LYPD6B: variants seen among roughly 807,000 people sequenced by gnomAD.
LYPD6B encodes the protein ly6/PLAUR domain-containing protein 6B.
A neutral mutation model predicts 22.8 loss-of-function variants in LYPD6B; 17 were observed. The ratio of observed to expected loss-of-function variants is 0.75; its 90% CI spans 0.51 to 1.12. The LOEUF (loss-of-function observed/expected upper bound fraction) is 1.12, where lower values mean the gene tolerates loss of function less well. LYPD6B is among the 50% of genes most tolerant of loss of function. LYPD6B has a pLI of 0.00. For synonymous variants in LYPD6B, 106 were observed against 91.6 expected, an observed-to-expected ratio of 1.16 and a Z score of -0.90; for missense variants, 221 against 258.3, an observed-to-expected ratio of 0.86 and a Z score of 0.99.
chr2:149,159,700 A>G (rs1244087230), intron 2 of LYPD6B, among the ~76,000 whole-genome samples: 2 of 151,748 alleles, frequency 1.3e-5, no homozygotes, highest in Admixed American at 1.3e-4. Context: ...GGGCTTGGCA[A>G]GTATGAGATT....
At chr2:149,041,506 G>T (rs1683087333) in intron 1 of LYPD6B, among the ~76,000 whole-genome samples, 1 of 152,194 alleles carries the variant, frequency 6.6e-6, no homozygotes, top group South Asian at 2.1e-4. Flanking sequence ...TTTTGCCCAA[G>T]CTATTTTCCG....
intron 1 of LYPD6B, among the ~76,000 whole-genome samples, chr2:149,080,969 T>C (rs1319302560): frequency 1.3e-5 from 2 of 151,956 alleles, no homozygotes; most frequent in African/African-American, 2.4e-5. Flanking sequence ...AGTTAACTTA[T>C]ATGAAGTCAG....
chr2:149,041,839 A>G (rs1683101951), intron 1 of LYPD6B, among the ~76,000 whole-genome samples: 1 of 152,218 alleles, frequency 6.6e-6, no homozygotes, highest in Non-Finnish European at 1.5e-5. Context: ...CAATTCCTCA[A>G]CAAGCTTACA....
chr2:149,072,259 A>G (rs913312953), intron 1 of LYPD6B, among the ~76,000 whole-genome samples: 4 of 152,176 alleles, frequency 2.6e-5, no homozygotes, highest in Admixed American at 6.5e-5. Context: ...ACAAACACAT[A>G]AGTAAACATA....
At chr2:149,083,521 A>G (rs1437053488) in intron 1 of LYPD6B, among the ~76,000 whole-genome samples, 1 of 152,114 alleles carries the variant, frequency 6.6e-6, no homozygotes, top group African/African-American at 2.4e-5. Flanking sequence ...GAACTTTTTG[A>G]AGAGTCTAGC....
chr2:149,099,453 G>GTACCTAGGATCCTTGGTCCCCTC (rs386391470), intron 1 of LYPD6B, among the ~76,000 whole-genome samples: 3,663 of 151,372 alleles, frequency 0.024, 81 homozygotes, highest in Non-Finnish European at 0.034. Flanking sequence ...TGGTCCCCTC[G>GTACCTAGGATCCTTGGTCCCCTC]TACCTAGGAT....
At chr2:149,177,965 A>G (rs554933587) in intron 3 of LYPD6B, among the ~76,000 whole-genome samples, 2 of 150,698 alleles carry the variant, frequency 1.3e-5, no homozygotes, top group East Asian at 2.0e-4. Context: ...TTTTCACTGT[A>G]TTTTTTATAA....
At chr2:149,164,938 A>G (rs188347973) in intron 3 of LYPD6B, among the ~76,000 whole-genome samples, 1 of 152,344 alleles carries the variant, frequency 6.6e-6, no homozygotes, top group East Asian at 1.9e-4. Flanking sequence ...TTAAAACAAC[A>G]GCTGTTTAAT....
chr2:149,170,959 A>G (rs1690774958), intron 3 of LYPD6B, among the ~76,000 whole-genome samples: 1 of 152,180 alleles, frequency 6.6e-6, no homozygotes, highest in African/African-American at 2.4e-5. Flanking sequence ...TTGAATCCTG[A>G]GAACTAAGAA....
chr2:149,066,796 C>T (rs1213983987), intron 1 of LYPD6B, among the ~76,000 whole-genome samples: 1 of 151,976 alleles, frequency 6.6e-6, no homozygotes, highest in Non-Finnish European at 1.5e-5. Context: ...CTCTCATCCT[C>T]TATTTATTAT....
chr2:149,208,410 A>G lies in LYPD6B; in HGVS notation c.326A>G (p.Gln109Arg), dbSNP rs751694368. Residue 109 changes from glutamine (Q) to arginine (R), a missense_variant and splice_region_variant, in exon 5 of 7, where the codon CAA becomes CGA. Physicochemically the swap from Gln to Arg is conservative, Grantham distance 43. Coordinates refer to ENST00000409642, the MANE Select transcript of LYPD6B (RefSeq NM_177964.5). The part of the protein sequence containing the change: ...NRWAEDKWCP[Q>R]NTQYCLTVHH... The stretch of plus-strand genomic sequence containing the variant: ...TGGGCAGAAGACAAATGGTGTCCAC[A>G]AAGTAAGTGTGCTGAGTTTGGAAGA... 2.5e-6 allele frequency: 4 copies of G among 1,611,034 alleles called. No homozygotes were observed. Among genetic ancestry groups the G allele is most frequent in the Non-Finnish European group, 3.4e-6 (4 of 1,177,234 alleles).
Position 149,100,349 on chromosome 2 carries a change from G to A in LYPD6B, c.-66-30534G>A, listed in dbSNP as rs374886706. Reference sequence around the variant, plus strand: ...TTTCTCCTTCCTTCTTTCAAAATTAGTATTCAAAAGCAGCCCCTTTTGGAT... The same window carrying A: ...TTTCTCCTTCCTTCTTTCAAAATTAATATTCAAAAGCAGCCCCTTTTGGAT... On this transcript the variant is annotated intron_variant, in intron 1 of 6. Transcript: ENST00000409642. Among the ~76,000 whole-genome samples the A allele has an allele frequency of 4.1e-4, 53 of 130,702 alleles. No individual in the cohort carries two copies. The South Asian group carries it at 5.0e-3, about 12-fold the overall frequency. 85.7% of individuals were successfully genotyped at this position (130,702 alleles called of 152,430 possible).
intron 1 of LYPD6B, among the ~76,000 whole-genome samples, chr2:149,057,236 AG>A (rs1438561965): frequency 6.6e-6 from 1 of 152,080 alleles, no homozygotes; most frequent in Non-Finnish European, 1.5e-5. Flanking sequence ...AAATAACATC[AG>A]GTTACTTTTT....
chr2:149,124,736 A>G (rs1687587513), intron 1 of LYPD6B, among the ~76,000 whole-genome samples: 1 of 152,188 alleles, frequency 6.6e-6, no homozygotes, highest in Admixed American at 6.5e-5. Context: ...TCCCCGGCCA[A>G]CAGACCTTTC....
intron 4 of LYPD6B, among the ~76,000 whole-genome samples, chr2:149,207,630 C>T (rs1452723416): frequency 6.6e-6 from 1 of 152,002 alleles, no homozygotes; most frequent in Non-Finnish European, 1.5e-5. Context: ...TTAAGAATTA[C>T]TATCATCCTC....
intron 1 of LYPD6B, among the ~76,000 whole-genome samples, chr2:149,100,416 CAAAA>C (rs58068035): frequency 4.4e-5 from 3 of 67,962 alleles, no homozygotes; most frequent in Admixed American, 2.3e-4. Context: ...TTGGCTTTGA[CAAAA>C]AAAAAAAAAA....
chr2:149,198,178 G>C (rs1201076926), intron 3 of LYPD6B, among the ~76,000 whole-genome samples: 3 of 152,048 alleles, frequency 2.0e-5, no homozygotes, highest in Non-Finnish European at 4.4e-5. Context: ...GAGTAGCTGG[G>C]ATTACAGGCA....
At position 149,208,318 on chromosome 2, in the gene LYPD6B, A is replaced by G; in HGVS notation, c.234A>G (p.Thr78=). 1 of 1,613,162 alleles carries G rather than the reference A, an allele frequency of 6.2e-7. No individual in the cohort carries two copies. Among genetic ancestry groups the G allele is most frequent in the Non-Finnish European group, 8.5e-7 (1 of 1,179,220 alleles). ...FYNVRPPLDP[T]PFPNSFKCFT... ...ACTTTGCTTTTTTCTTTAAAGCTAC[A>G]CCATTTCCAAATAGCTTCAAGTGCT... is the stretch of plus-strand genomic sequence containing the variant. The change falls in exon 5 of 7, where the codon ACA becomes ACG. Residue 78 remains threonine (T), a synonymous_variant. Coordinates refer to ENST00000409642, the MANE Select transcript of LYPD6B (RefSeq NM_177964.5).
At position 149,167,135 on chromosome 2, in the gene LYPD6B, A is replaced by G. The variant is rs147671807; in HGVS notation, c.77+6300A>G. ...TGGGACAGTTTATCCCCTAGCATAG[A>G]AATGAAAACCTGACAGGCAGGTCTC... On this transcript the variant is annotated intron_variant, in intron 3 of 6. Transcript: ENST00000409642. Among the ~76,000 whole-genome samples the G allele has an allele frequency of 1.0e-3, 154 of 151,998 alleles. 1 individual carries two copies. Among genetic ancestry groups the G allele is most frequent in the African/African-American group, 3.6e-3 (149 of 41,434 alleles).
Sources: allele counts gnomAD v4.1 joint callset (sites outside exome capture counted in the v4.1 genomes callset), GRCh38; gene constraint gnomAD v4.1.1; transcripts MANE v1.5; gene names NCBI Gene and HGNC (gene_info 2026-07-23, HGNC 2026-07-21).